The following BCAT1 variants were observed in gnomAD, a reference collection of about 807,000 sequenced individuals.
The protein encoded by BCAT1 is branched chain amino acid transaminase 1.
In BCAT1, 48 loss-of-function variants were observed where a neutral mutation model predicts 52.4. That is an observed-to-expected ratio of 0.92 (90% confidence interval 0.73 to 1.16). BCAT1 has a LOEUF of 1.16. Among genes scored for constraint, BCAT1 ranks in the 50% most tolerant of loss-of-function variants. The probability of loss-of-function intolerance (pLI) is 0.00; values close to 1 mark genes in which losing one functional copy is unlikely to be tolerated. For missense variants in BCAT1, 451 were observed against 457.1 expected (o/e 0.99, Z 0.12); for synonymous variants, 167 against 161.3 (o/e 1.04, Z -0.27).
intron 9 of BCAT1, among the ~76,000 whole-genome samples, chr12:24,831,568 G>A (rs1418353121): frequency 9.2e-5 from 14 of 152,182 alleles, no homozygotes; most frequent in Admixed American, 9.2e-4. Context: ...AGGATCGCTT[G>A]AGCTTGGGAG....
chr12:24,930,297 C>T (rs943156399), intron 1 of BCAT1, among the ~76,000 whole-genome samples: 4 of 152,242 alleles, frequency 2.6e-5, no homozygotes, highest in African/African-American at 9.6e-5. Context: ...GCCTCTGACC[C>T]CTGGGGTCTC....
intron 6 of BCAT1, 141 bp downstream of exon 6, chr12:24,849,645 A>AT (rs1381505951): frequency 4.9e-6 from 5 of 1,011,210 alleles, no homozygotes; most frequent in Non-Finnish European, 5.6e-6. Flanking sequence ...TTGCTGAAAG[A>AT]TTAAACTGAA....
chr12:24,820,979 C>A (rs1349132825), intron 10 of BCAT1, among the ~76,000 whole-genome samples: 2 of 152,098 alleles, frequency 1.3e-5, no homozygotes, highest in South Asian at 4.2e-4. Context: ...AAAGGCTGTG[C>A]AAAGCTTTGT....
At chr12:24,930,039 G>A (rs962808207) in intron 1 of BCAT1, among the ~76,000 whole-genome samples, 1 of 152,178 alleles carries the variant, frequency 6.6e-6, no homozygotes, top group Admixed American at 6.5e-5. Flanking sequence ...TAGAGGAAAT[G>A]GTTAAAAATC....
rs1057204 is a variant in BCAT1 at position 24,832,779 on chromosome 12, C to G, written c.988G>C (p.Gly330Arg). Reference sequence around the variant, plus strand: ...CAAACAACACAGGCTGTACCAGAGCCAAACATCTCTCTCACTCTGTTCCCC... The same window carrying G: ...CAAACAACACAGGCTGTACCAGAGCGAAACATCTCTCTCACTCTGTTCCCC... The part of the protein sequence containing the change: ...LEGNRVREMF[G>R]SGTACVVCPV... The change falls in exon 9 of 11, where the codon GGC (glycine) becomes CGC (arginine). Residue 330 changes from glycine to arginine, a missense_variant. Gly to Arg is a moderately radical substitution (Grantham distance 125). Transcript: ENST00000261192. 15 of 1,611,738 alleles carry G rather than the reference C, an allele frequency of 9.3e-6. No homozygotes were observed. The highest frequency in any genetic ancestry group is 1.3e-5 in the Non-Finnish European group (15 of 1,178,898).
chr12:24,941,203 T>G (rs1030966915), intron 1 of BCAT1, among the ~76,000 whole-genome samples: 5 of 152,252 alleles, frequency 3.3e-5, no homozygotes, highest in African/African-American at 1.2e-4. Flanking sequence ...TCTTTTTGTA[T>G]GAATTTTCCT....
intron 5 of BCAT1, among the ~76,000 whole-genome samples, chr12:24,863,475 G>A (rs762050343): frequency 1.4e-4 from 22 of 152,144 alleles, no homozygotes; most frequent in Non-Finnish European, 2.5e-4. Flanking sequence ...TGAGCATTTG[G>A]GAAAAAGACA....
chr12:24,819,392 T>C (rs781767804), intron 10 of BCAT1, among the ~76,000 whole-genome samples: 2 of 152,214 alleles, frequency 1.3e-5, no homozygotes, highest in Non-Finnish European at 2.9e-5. Context: ...TTAATAACCA[T>C]CTAAAAGGTA....
chr12:24,947,000 T>C (rs1233210786), intron 1 of BCAT1, among the ~76,000 whole-genome samples: 4 of 152,124 alleles, frequency 2.6e-5, no homozygotes, highest in Non-Finnish European at 5.9e-5. Context: ...TGGCCAGCAT[T>C]AAATTCTTTT....
At chr12:24,932,784 G>T (rs1453934531) in intron 1 of BCAT1, among the ~76,000 whole-genome samples, 1 of 151,156 alleles carries the variant, frequency 6.6e-6, no homozygotes, top group African/African-American at 2.4e-5. Flanking sequence ...TTACAGGTGT[G>T]TGCCACCATG....
intron 8 of BCAT1, chr12:24,834,763 C>A: frequency 1.7e-6 from 2 of 1,149,942 alleles, no homozygotes; most frequent in South Asian, 1.8e-5. Flanking sequence ...AAATGAACTG[C>A]AGAAAATCAG....
At chr12:24,930,896 CTTTTTT>C (rs5797108) in intron 1 of BCAT1, among the ~76,000 whole-genome samples, 1 of 96,084 alleles carries the variant, frequency 1.0e-5, no homozygotes, top group African/African-American at 4.2e-5. Context: ...GAACAGGGCC[CTTTTTT>C]TTTTTTTTTT....
intron 5 of BCAT1, among the ~76,000 whole-genome samples, chr12:24,857,400 T>C (rs1161549290): frequency 6.6e-6 from 1 of 152,172 alleles, no homozygotes; most frequent in African/African-American, 2.4e-5. Flanking sequence ...GCCAGAAATA[T>C]TAGCTGTTTG....
At chr12:24,850,735 C>A (rs1941482855) in intron 5 of BCAT1, among the ~76,000 whole-genome samples, 1 of 152,184 alleles carries the variant, frequency 6.6e-6, no homozygotes, top group Admixed American at 6.6e-5. Flanking sequence ...AATCTCTTTT[C>A]TGTTTCCTGT....
At chr12:24,892,100 A>G (rs953764441) in intron 3 of BCAT1, among the ~76,000 whole-genome samples, 14 of 126,440 alleles carry the variant, frequency 1.1e-4, no homozygotes, top group Admixed American at 4.0e-4. Context: ...TTTTGTTTCA[A>G]TAGAGTCAGG....
chr12:24,888,468 C>G (rs1942745171), intron 3 of BCAT1, among the ~76,000 whole-genome samples: 1 of 152,138 alleles, frequency 6.6e-6, no homozygotes, highest in African/African-American at 2.4e-5. Flanking sequence ...CACTGCACTC[C>G]AGCCTGGGCG....
chr12:24,893,473 A>T (rs1230903529), intron 3 of BCAT1, among the ~76,000 whole-genome samples: 1 of 152,234 alleles, frequency 6.6e-6, no homozygotes, highest in African/African-American at 2.4e-5. Flanking sequence ...TCAAAGCCTG[A>T]ATGCTTAATC....
chr12:24,836,693 T>A, intron 7 of BCAT1, 97 bp from the exon 8 acceptor site: 1 of 1,085,898 alleles, frequency 9.2e-7, no homozygotes, highest in Non-Finnish European at 1.4e-6. Context: ...ACAATTTTGC[T>A]AGCAACAAAC....
chr12:24,905,103 G>A (rs1017618653), intron 1 of BCAT1, among the ~76,000 whole-genome samples: 8 of 152,224 alleles, frequency 5.3e-5, no homozygotes, highest in Non-Finnish European at 1.0e-4. Flanking sequence ...AGGGCCAAAA[G>A]AGAGCCTGGG....
Sources: allele counts gnomAD v4.1 joint callset (sites outside exome capture counted in the v4.1 genomes callset), GRCh38; gene constraint gnomAD v4.1.1; transcripts MANE v1.5; gene names NCBI Gene and HGNC (gene_info 2026-07-23, HGNC 2026-07-21).